Variants in PSMD3 observed in about 807,000 individuals in gnomAD.
PSMD3 encodes 26S proteasome non-ATPase regulatory subunit 3.
PSMD3 carries 5 observed loss-of-function variants against 62.8 expected under a neutral mutation model. That is an observed-to-expected ratio of 0.08 (90% CI 0.04 to 0.17). The LOEUF (loss-of-function observed/expected upper bound fraction) is 0.17. Ranked by LOEUF, PSMD3 falls within the 10% of genes least tolerant of loss-of-function variation. PSMD3 has a pLI of 1.00. For synonymous variants in PSMD3, 265 were observed against 283.9 expected, an observed-to-expected ratio of 0.93 and a Z score of 0.67; for missense variants, 524 against 713.6, an observed-to-expected ratio of 0.73 and a Z score of 3.03.
At chr17:39,997,263 T>C in intron 10 of PSMD3, 67 bp from the exon 11 acceptor site, 2 of 1,483,832 alleles carry the variant, frequency 1.3e-6, no homozygotes, top group South Asian at 1.1e-5. Flanking sequence ...ACGCAGGGAG[T>C]GCAGGTTGCG....
rs749595717 is a variant in PSMD3, at chr17:39,995,163, G to T, written c.1097-13G>T. 1 of 1,614,056 alleles carries T rather than the reference G, an allele frequency of 6.2e-7. No homozygotes were observed. Among genetic ancestry groups the T allele is most frequent in the Non-Finnish European group, 8.5e-7 (1 of 1,179,998 alleles). ...TATTTGCATCATCCAATCTACTCCT[G>T]TTCTGCCTGCAGCTGTCAGGACAGG... On this transcript the variant is annotated splice_polypyrimidine_tract_variant and intron_variant, in intron 7 of 11. Transcript: ENST00000264639. This position sits in a 1 kb window ranked among gnomAD's most constrained non-coding sequence, Gnocchi z 4.1.
intron 3 of PSMD3, among the ~76,000 whole-genome samples, chr17:39,987,295 C>T (rs4065321): frequency 0.56 from 85,316 of 152,020 alleles, 24,199 homozygotes; most frequent in Middle Eastern, 0.74. Context: ...GGAAGTAAGT[C>T]GCACTCCTTA....
chr17:39,988,599 A>T lies in PSMD3; in HGVS notation c.550-84A>T, dbSNP rs1980580913. On this transcript the variant is annotated intron_variant, in intron 3 of 11. Coordinates refer to ENST00000264639, the MANE Select transcript of PSMD3 (RefSeq NM_002809.4). ...AGTTCTCTTGGCTTGCATACCTAGG[A>T]TAGGAATTGCTGGCTCAAATGACAA... 14 of 1,482,944 alleles carry T rather than the reference A, an allele frequency of 9.4e-6. No homozygotes were observed. The South Asian group carries it at 1.5e-4, about 15-fold the overall frequency. The allele number at this position is 1,482,944 out of a possible 1,614,324, so 91.9% of individuals were successfully genotyped here.
chr17:39,981,331 C>T (rs530859206), intron 1 of PSMD3, 141 bp downstream of exon 1: 173 of 1,358,054 alleles, frequency 1.3e-4, no homozygotes, highest in African/African-American at 2.6e-4. Flanking sequence ...TCCCACTGCC[C>T]CGACACTCCC....
Position 39,995,847 on chromosome 17 carries a change from A to G in PSMD3, c.1320+320A>G. ...AAGATGGGCGTGCTGGGCCAGGCGC[A>G]GTGGCTCATGCCTGTAATCCCAGCA... On this transcript the variant is annotated intron_variant, in intron 9 of 11. Coordinates refer to ENST00000264639, the MANE Select transcript of PSMD3 (RefSeq NM_002809.4). This position sits in a 1 kb window ranked among gnomAD's most constrained non-coding sequence, Gnocchi z 4.1. 4.1e-6 allele frequency: 2 copies of G among 483,190 alleles called. No homozygotes were observed. Among genetic ancestry groups the G allele is most frequent in the Non-Finnish European group, 7.6e-6 (2 of 264,574 alleles). 29.9% of individuals were successfully genotyped at this position (483,190 alleles called of 1,614,324 possible).
chr17:39,997,611 T>TG lies in PSMD3; in HGVS notation c.*34dup. ...GGGGGCTGGGGAGGGGTAGGGGGAATGGGGACAGGCTCTTTCCCCCTTGGG... is the reference window on the plus strand; with the variant it reads ...GGGGGCTGGGGAGGGGTAGGGGGAATGGGGGACAGGCTCTTTCCCCCTTGGG... On this transcript the variant is annotated 3_prime_UTR_variant, in exon 12 of 12. Coordinates refer to ENST00000264639, the MANE Select transcript of PSMD3 (RefSeq NM_002809.4). The TG allele has an allele frequency of 2.3e-6, 3 of 1,308,400 alleles. No homozygotes were observed. The highest frequency in any genetic ancestry group is 3.3e-6 in the Non-Finnish European group (3 of 916,468). 81.0% of individuals were successfully genotyped at this position (1,308,400 alleles called of 1,614,324 possible). A position where few individuals can be genotyped will look rare whatever the true frequency, so the allele number is the denominator to read the frequency against.
In PSMD3 at chr17:39,996,378, C is replaced by A; in HGVS notation, c.1476+40C>A. The A allele has an allele frequency of 6.3e-7, 1 of 1,599,280 alleles. No individual in the cohort carries two copies. ...GCTGCAGAGTCACGCCTGGCAGCAG[C>A]ACACCCCTCCCTCCACACTCATGGA... On this transcript the variant is annotated intron_variant, in intron 10 of 11. Transcript: ENST00000264639. This position sits in a 1 kb window ranked among gnomAD's most constrained non-coding sequence, Gnocchi z 5.1.
chr17:39,992,155 A>G (rs1980673788), intron 6 of PSMD3, among the ~76,000 whole-genome samples: 2 of 152,232 alleles, frequency 1.3e-5, no homozygotes, highest in South Asian at 2.1e-4. Context: ...GAGAGACACT[A>G]AAGTTTCTTT....
chr17:39,996,165 C>T lies in PSMD3; in HGVS notation c.1321-18C>T, dbSNP rs1157806968. On this transcript the variant is annotated intron_variant, in intron 9 of 11. Transcript: ENST00000264639. The surrounding 1 kb of genome is among the most constrained non-coding windows in gnomAD (Gnocchi z 5.1). ...AAGCTGGGTGTGCTGGTGAACTTTC[C>T]TCTTTGGGGGCCTGCAGGCCATCCG... 4 of 1,613,552 alleles carry T rather than the reference C, an allele frequency of 2.5e-6. No homozygotes were observed. The East Asian group carries it at 8.9e-5, about 36-fold the overall frequency.
In PSMD3 at chr17:39,997,758, G is replaced by A. The variant is rs1315660058; in HGVS notation, c.*177G>A. 1.8e-5 allele frequency: 13 copies of A among 720,670 alleles called. No homozygotes were observed. The highest frequency in any genetic ancestry group is 8.8e-5 in the South Asian group (5 of 56,756). The allele number at this position is 720,670 out of a possible 1,614,324, so 44.6% of individuals were successfully genotyped here. A position where few individuals can be genotyped will look rare whatever the true frequency, so the allele number is the denominator to read the frequency against. ...CCTCCCCCAGGGCTCCTCCCCAGCCGGTGACTTACTGTACAGCAGGCAGGA... is the reference window on the plus strand; with the variant it reads ...CCTCCCCCAGGGCTCCTCCCCAGCCAGTGACTTACTGTACAGCAGGCAGGA... On this transcript the variant is annotated 3_prime_UTR_variant, in exon 12 of 12. Transcript: ENST00000264639.
At chr17:39,983,617 G>A (rs1980439236) in intron 1 of PSMD3, among the ~76,000 whole-genome samples, 2 of 152,024 alleles carry the variant, frequency 1.3e-5, no homozygotes, top group African/African-American at 4.8e-5. Flanking sequence ...TTTTTTAAAT[G>A]AAGTCAAGCC....
chr17:39,992,890 C>T (rs923726699), intron 6 of PSMD3: 4 of 152,540 alleles, frequency 2.6e-5, no homozygotes. Flanking sequence ...ACTCTGAGAG[C>T]TTCTCTGTCG....
chr17:39,992,206 T>C (rs753451300), intron 6 of PSMD3, among the ~76,000 whole-genome samples: 1 of 152,076 alleles, frequency 6.6e-6, no homozygotes, highest in East Asian at 1.9e-4. Flanking sequence ...ATATATAAAA[T>C]GTGTCATGTA....
chr17:39,990,297 A>G, intron 6 of PSMD3, 100 bp downstream of exon 6: 3 of 1,047,688 alleles, frequency 2.9e-6, no homozygotes, highest in Non-Finnish European at 4.1e-6. Flanking sequence ...TCCTGGGTTC[A>G]AGAAGTCCTC....
At chr17:39,994,846 C>G (rs973503484) in intron 6 of PSMD3, 108 bp from the exon 7 acceptor site, 1 of 912,546 alleles carries the variant, frequency 1.1e-6, no homozygotes, top group African/African-American at 1.6e-5. Context: ...AAACAGTGAT[C>G]CCTTTCCCTG....
At chr17:39,997,217 C>A in intron 10 of PSMD3, 113 bp from the exon 11 acceptor site, 1 of 988,778 alleles carries the variant, frequency 1.0e-6, no homozygotes, top group South Asian at 1.4e-5. Flanking sequence ...GAGAGGGGCC[C>A]GCCGCTTCCT....
chr17:39,990,713 C>T (rs8080546), intron 6 of PSMD3, among the ~76,000 whole-genome samples: 9 of 152,136 alleles, frequency 5.9e-5, no homozygotes, highest in Non-Finnish European at 7.3e-5. Flanking sequence ...GATTCCCCAG[C>T]GCTCCTGACA....
intron 1 of PSMD3, among the ~76,000 whole-genome samples, chr17:39,983,146 C>T (rs188227025): frequency 8.3e-4 from 127 of 152,192 alleles, no homozygotes; most frequent in Admixed American, 1.7e-3. Flanking sequence ...GATTCTCCTG[C>T]CTCAGCTTCC....
chr17:39,997,174 C>A (rs1980803704), intron 10 of PSMD3, among the ~76,000 whole-genome samples, 156 bp from the exon 11 acceptor site: 1 of 152,142 alleles, frequency 6.6e-6, no homozygotes, highest in Non-Finnish European at 1.5e-5. Context: ...TGTAATAATT[C>A]CTTTGATGCC....
Sources: allele counts gnomAD v4.1 joint callset (sites outside exome capture counted in the v4.1 genomes callset), GRCh38; gene constraint gnomAD v4.1.1; non-coding constraint Gnocchi (gnomAD v3.1); transcripts MANE v1.5; gene names NCBI Gene and HGNC (gene_info 2026-07-23, HGNC 2026-07-21).